Variants in CDK19 observed in about 807,000 individuals in gnomAD.
The protein encoded by CDK19 is cyclin dependent kinase 19.
In CDK19, 20 loss-of-function variants were observed where a neutral mutation model predicts 68.3. That is an observed-to-expected ratio of 0.29 (90% CI 0.21 to 0.43). The LOEUF (loss-of-function observed/expected upper bound fraction) is 0.43, where lower values mean the gene tolerates loss of function less well. Among genes scored for constraint, CDK19 ranks in the 20% least tolerant of loss-of-function variants. The probability of loss-of-function intolerance (pLI) is 1.00; values close to 1 mark genes in which losing one functional copy is unlikely to be tolerated. For missense variants in CDK19, 339 were observed against 623.5 expected (o/e 0.54, Z 4.86); for synonymous variants, 221 against 222.8 (o/e 0.99, Z 0.07).
rs1780850765 is a variant in CDK19, at chr6:110,781,860, A to C, written c.128+33149T>G. On this transcript the variant is annotated intron_variant, in intron 1 of 12. Transcript: ENST00000368911. Reference sequence around the variant, plus strand: ...CAAATGAAAAAAAAAAAAAAAACCTATTCAGAGATACAATCAGCTCTTACT... The same window carrying C: ...CAAATGAAAAAAAAAAAAAAAACCTCTTCAGAGATACAATCAGCTCTTACT... 4.0e-5 allele frequency among the ~76,000 whole-genome samples: 6 copies of C among 151,764 alleles called. No individual in the cohort carries two copies. In the South Asian group the frequency reaches 1.0e-3, roughly 26 times the overall value.
intron 1 of CDK19, among the ~76,000 whole-genome samples, chr6:110,795,250 T>A (rs1781862683): frequency 6.6e-6 from 1 of 152,214 alleles, no homozygotes. Context: ...GGATTACAAG[T>A]GTGAGTCACC....
intron 1 of CDK19, among the ~76,000 whole-genome samples, chr6:110,811,174 C>G (rs1783062917): frequency 6.6e-6 from 1 of 152,156 alleles, no homozygotes; most frequent in African/African-American, 2.4e-5. Context: ...ACTGACAAAT[C>G]TTTAATCTTC....
At chr6:110,655,365 CAA>C (rs1015045212) in intron 4 of CDK19, among the ~76,000 whole-genome samples, 4 of 135,624 alleles carry the variant, frequency 2.9e-5, no homozygotes, top group Non-Finnish European at 1.6e-5. Context: ...GACTCCATCT[CAA>C]AAAAAAAAAA....
intron 2 of CDK19, among the ~76,000 whole-genome samples, chr6:110,678,627 T>G (rs1771733378): frequency 6.6e-6 from 1 of 152,158 alleles, no homozygotes; most frequent in Non-Finnish European, 1.5e-5. Context: ...ATACCATAAC[T>G]CTATATCCCT....
intron 1 of CDK19, among the ~76,000 whole-genome samples, chr6:110,811,572 T>C (rs919400569): frequency 6.6e-6 from 1 of 152,162 alleles, no homozygotes; most frequent in Admixed American, 6.5e-5. Context: ...TTAACAATAT[T>C]CCTTTATCGA....
chr6:110,661,522 G>A lies in CDK19; in HGVS notation c.456+5912C>T, dbSNP rs369247151. 7.2e-5 allele frequency among the ~76,000 whole-genome samples: 11 copies of A among 152,058 alleles called. No homozygotes were observed. The East Asian group carries it at 9.7e-4, about 13-fold the overall frequency. On this transcript the variant is annotated intron_variant, in intron 4 of 12. Transcript: ENST00000368911. ...GTGGCTATTCACAGATACAAACAGC[G>A]CACTACAGCCTTGTACCACTGGCCT... is the stretch of plus-strand genomic sequence containing the variant.
intron 1 of CDK19, among the ~76,000 whole-genome samples, chr6:110,803,368 C>G: frequency 6.6e-6 from 1 of 152,144 alleles, no homozygotes; most frequent in East Asian, 1.9e-4. Context: ...CGTGAGCCAC[C>G]GCGTCCAGCC....
intron 2 of CDK19, among the ~76,000 whole-genome samples, chr6:110,683,434 T>C (rs965965300): frequency 6.6e-6 from 1 of 152,086 alleles, no homozygotes; most frequent in African/African-American, 2.4e-5. Flanking sequence ...AGAGTGAGGC[T>C]GAGTTGGAAA....
chr6:110,712,249 C>G (rs575226480), intron 2 of CDK19, among the ~76,000 whole-genome samples: 2 of 152,314 alleles, frequency 1.3e-5, no homozygotes, highest in South Asian at 4.1e-4. Context: ...CCTCCAAGAA[C>G]AGGTAAGCAA....
At chr6:110,638,948 C>T (rs1238371427) in intron 4 of CDK19, among the ~76,000 whole-genome samples, 1 of 152,134 alleles carries the variant, frequency 6.6e-6, no homozygotes, top group Non-Finnish European at 1.5e-5. Context: ...CAAATAATTA[C>T]AAAGCAATTA....
intron 4 of CDK19, among the ~76,000 whole-genome samples, chr6:110,642,040 C>T (rs930881542): frequency 1.3e-5 from 2 of 152,186 alleles, no homozygotes; most frequent in African/African-American, 2.4e-5. Flanking sequence ...TGGTGGCTCA[C>T]GCCTGTAATC....
In CDK19 at chr6:110,723,135, C is replaced by CAAAA. The variant is rs760048229; in HGVS notation, c.204+22987_204+22990dup. On this transcript the variant is annotated intron_variant, in intron 2 of 12. Coordinates refer to ENST00000368911, the MANE Select transcript of CDK19 (RefSeq NM_015076.5). ...CAATGCTCAGCTTTCAAGGCTTTGT[C>CAAAA]AAAAAAAACAAAAAACAAAAAAAAA... Among the ~76,000 whole-genome samples the CAAAA allele has an allele frequency of 8.9e-4, 58 of 65,458 alleles. 5 individuals carry two copies. Among genetic ancestry groups the CAAAA allele is most frequent in the African/African-American group, 1.6e-3 (33 of 20,326 alleles). The allele number at this position is 65,458 out of a possible 152,430, so 42.9% of individuals were successfully genotyped here.
intron 1 of CDK19, among the ~76,000 whole-genome samples, chr6:110,783,490 T>C (rs1469906249): frequency 6.6e-6 from 1 of 151,620 alleles, no homozygotes; most frequent in Non-Finnish European, 1.5e-5. Flanking sequence ...ATACAAAAGT[T>C]AGCTGAGCGT....
chr6:110,763,272 T>C (rs1359781213), intron 1 of CDK19, among the ~76,000 whole-genome samples: 2 of 152,066 alleles, frequency 1.3e-5, no homozygotes, highest in Non-Finnish European at 2.9e-5. Flanking sequence ...TATGATCTGA[T>C]ATAAGCAGTA....
intron 4 of CDK19, among the ~76,000 whole-genome samples, chr6:110,651,776 C>A: frequency 6.6e-6 from 1 of 152,158 alleles, no homozygotes; most frequent in East Asian, 1.9e-4. Flanking sequence ...TCAAAACAAT[C>A]AGTTGAAAAT....
At chr6:110,751,860 TAA>T (rs79254464) in intron 1 of CDK19, among the ~76,000 whole-genome samples, 19 of 140,098 alleles carry the variant, frequency 1.4e-4, no homozygotes, top group Non-Finnish European at 1.3e-4. Flanking sequence ...TTGGTCAGAT[TAA>T]AAAAAAAAAA....
At chr6:110,630,675 T>A (rs1027280958) in intron 6 of CDK19, among the ~76,000 whole-genome samples, 1 of 152,226 alleles carries the variant, frequency 6.6e-6, no homozygotes, top group Non-Finnish European at 1.5e-5. Context: ...CAGCCTGGCC[T>A]TGGTAGCCTC....
At chr6:110,708,061 A>C (rs1221092595) in intron 2 of CDK19, among the ~76,000 whole-genome samples, 1 of 152,210 alleles carries the variant, frequency 6.6e-6, no homozygotes, top group Non-Finnish European at 1.5e-5. Context: ...TAGTGTGTAC[A>C]TCTGCATGAT....
intron 1 of CDK19, among the ~76,000 whole-genome samples, chr6:110,805,973 CAAAAAAAA>C (rs34834440): frequency 1.0e-5 from 1 of 95,420 alleles, no homozygotes; most frequent in Non-Finnish European, 2.3e-5. Context: ...TAACACTTCT[CAAAAAAAA>C]AAAAAAAAAG....
Sources: gnomAD v4.1 joint callset for allele counts (sites outside exome capture counted in the v4.1 genomes callset) on GRCh38, gnomAD v4.1.1 for gene constraint, MANE v1.5 for transcripts, NCBI Gene and HGNC (gene_info 2026-07-23, HGNC 2026-07-21) for gene names.